The following CAST variants were observed in gnomAD, a reference collection of about 807,000 sequenced individuals.
The protein encoded by CAST is MIR583 host.
In CAST, 76 loss-of-function variants were observed where a neutral mutation model predicts 119.6. The observed-to-expected ratio is 0.64, with a 90% CI of 0.53 to 0.77. CAST has a LOEUF of 0.77. Ranked by LOEUF, CAST falls within the 30% of genes least tolerant of loss-of-function variation. The pLI is 0.00. For synonymous variants in CAST, 319 were observed against 331.6 expected (o/e 0.96, Z 0.41); for missense variants, 953 against 946.5 (o/e 1.01, Z -0.09).
chr5:96,587,646 A>G (rs781657177), intron 1 of CAST, among the ~76,000 whole-genome samples: 1 of 152,232 alleles, frequency 6.6e-6, no homozygotes, highest in Non-Finnish European at 1.5e-5. Context: ...ATCATGAAAA[A>G]TGGTGAAGCT....
the CAST span, among the ~76,000 whole-genome samples, chr5:96,441,117 T>C: frequency 6.6e-6 from 1 of 152,220 alleles, no homozygotes; most frequent in Non-Finnish European, 1.5e-5. Context: ...TACAACATTG[T>C]CTGGTACAAG....
chr5:96,560,282 G>T (rs934160461), intron 1 of CAST, among the ~76,000 whole-genome samples: 5 of 151,948 alleles, frequency 3.3e-5, no homozygotes, highest in African/African-American at 1.2e-4. Flanking sequence ...ATACCGTTCA[G>T]GACATAGGCA....
intron 1 of CAST, among the ~76,000 whole-genome samples, chr5:96,668,517 G>C (rs1749635523): frequency 6.6e-6 from 1 of 152,128 alleles, no homozygotes; most frequent in African/African-American, 2.4e-5. Context: ...GAAAAAGAAG[G>C]GAGTGAAATA....
chr5:96,536,864 A>G (rs764465013), intron 1 of CAST, among the ~76,000 whole-genome samples: 9 of 152,214 alleles, frequency 5.9e-5, no homozygotes, highest in Non-Finnish European at 8.8e-5. Flanking sequence ...GAAGCAAGTA[A>G]GAATATAACG....
chr5:96,319,172 A>C, the CAST span, among the ~76,000 whole-genome samples: 2 of 152,080 alleles, frequency 1.3e-5, no homozygotes, highest in Non-Finnish European at 2.9e-5. Flanking sequence ...GGCTCTGTTA[A>C]ACAACTAACT....
the CAST span, among the ~76,000 whole-genome samples, chr5:95,977,802 C>T: frequency 0.019 from 2,819 of 152,174 alleles, 83 homozygotes; most frequent in African/African-American, 0.064. Context: ...TCCAACCTCG[C>T]ACCCTACACT....
At chr5:96,653,952 T>C (rs1187539536) in intron 1 of CAST, among the ~76,000 whole-genome samples, 2 of 152,016 alleles carry the variant, frequency 1.3e-5, no homozygotes, top group African/African-American at 4.8e-5. Context: ...CCTTTTTTCC[T>C]TTTTCTTCTT....
At chr5:96,430,309 A>G in the CAST span, among the ~76,000 whole-genome samples, 9 of 152,238 alleles carry the variant, frequency 5.9e-5, no homozygotes, top group African/African-American at 1.9e-4. Flanking sequence ...GTAACCCTGC[A>G]TTTTTAAAAT....
At chr5:96,665,759 CAT>C (rs1310719302) in intron 1 of CAST, among the ~76,000 whole-genome samples, 6 of 139,664 alleles carry the variant, frequency 4.3e-5, no homozygotes, top group South Asian at 2.2e-4. Context: ...CACACACACA[CAT>C]ATACATACAC....
chr5:96,299,578 C>G, the CAST span, among the ~76,000 whole-genome samples: 7 of 152,136 alleles, frequency 4.6e-5, no homozygotes, highest in Non-Finnish European at 1.0e-4. Context: ...GCACACTGGT[C>G]CCTGCTTTGT....
At chr5:96,500,159 A>C in the CAST span, among the ~76,000 whole-genome samples, 3 of 152,172 alleles carry the variant, frequency 2.0e-5, no homozygotes, top group Non-Finnish European at 4.4e-5. Context: ...ATAATGATGA[A>C]AACGTTTTGC....
At chr5:96,508,571 T>C in the CAST span, among the ~76,000 whole-genome samples, 1 of 152,116 alleles carries the variant, frequency 6.6e-6, no homozygotes, top group Non-Finnish European at 1.5e-5. Context: ...CTTCTTACCC[T>C]AGATATGTGA....
At chr5:96,524,676 G>T (rs116137267), upstream of CAST, among the ~76,000 whole-genome samples, 73 of 152,276 alleles carry the variant, frequency 4.8e-4, 1 homozygote, top group East Asian at 0.014. Flanking sequence ...AGAGCACCCT[G>T]CCCCTATATT....
intron 1 of CAST, among the ~76,000 whole-genome samples, chr5:96,544,244 T>C (rs1175356737): frequency 6.6e-6 from 1 of 152,232 alleles, no homozygotes; most frequent in African/African-American, 2.4e-5. Flanking sequence ...TTCTATTATT[T>C]TTTAGTTGTA....
the CAST span, among the ~76,000 whole-genome samples, chr5:96,387,604 A>T: frequency 5.1e-4 from 78 of 152,282 alleles, no homozygotes; most frequent in African/African-American, 1.9e-3. Flanking sequence ...CTTATCCAAA[A>T]CAGACTGGCA....
chr5:96,705,960 G>A (rs1379819907), intron 3 of CAST, among the ~76,000 whole-genome samples: 2 of 152,088 alleles, frequency 1.3e-5, no homozygotes, highest in Non-Finnish European at 2.9e-5. Context: ...CACTAAATTC[G>A]CATTTTGCTA....
the CAST span, among the ~76,000 whole-genome samples, chr5:96,512,691 C>A: frequency 6.6e-6 from 1 of 152,094 alleles, no homozygotes; most frequent in African/African-American, 2.4e-5. Flanking sequence ...ACAAGAAACA[C>A]AAAATGTGAC....
intron 3 of CAST, chr5:96,702,943 C>T (rs1754149321): frequency 1.0e-6 from 1 of 985,676 alleles, no homozygotes; most frequent in African/African-American, 1.7e-5. Context: ...CCGCTTTGCT[C>T]CAGGCCGCGC....
chr5:96,618,785 G>A (rs546825147), intron 1 of CAST, among the ~76,000 whole-genome samples: 26 of 152,304 alleles, frequency 1.7e-4, no homozygotes, highest in African/African-American at 3.8e-4. Flanking sequence ...CACCATGCCC[G>A]AGCCTCCCCC....
Sources: gnomAD v4.1 joint callset for allele counts (sites outside exome capture counted in the v4.1 genomes callset) on GRCh38, gnomAD v4.1.1 for gene constraint, MANE v1.5 for transcripts, NCBI Gene and HGNC (gene_info 2026-07-23, HGNC 2026-07-21) for gene names.